The following NIPBL variants were observed in gnomAD, a reference collection of about 807,000 sequenced individuals.
NIPBL encodes the protein NIPBL cohesin loading factor.
NIPBL carries 19 observed loss-of-function variants against 321.8 expected under a neutral mutation model. The ratio of observed to expected loss-of-function variants is 0.06; its 90% CI spans 0.04 to 0.09. The LOEUF (loss-of-function observed/expected upper bound fraction) is 0.09, where lower values mean the gene tolerates loss of function less well. Ranked by LOEUF, NIPBL falls within the 10% of genes least tolerant of loss-of-function variation. The pLI is 1.00. For missense variants in NIPBL, 2,210 were observed against 3,327.0 expected, an observed-to-expected ratio of 0.66 and a Z score of 8.26; for synonymous variants, 1,106 against 1,114.1, an observed-to-expected ratio of 0.99 and a Z score of 0.14.
At chr5:36,995,948 C>A in intron 11 of NIPBL, 144 bp downstream of exon 11, 1 of 677,272 alleles carries the variant, frequency 1.5e-6, no homozygotes, top group Non-Finnish European at 2.5e-6. Flanking sequence ...TTTCTCTATA[C>A]TTTAAAAATG....
intron 6 of NIPBL, among the ~76,000 whole-genome samples, chr5:36,965,591 A>C (rs1742116218): frequency 6.6e-6 from 1 of 152,104 alleles, no homozygotes; most frequent in Non-Finnish European, 1.5e-5. Flanking sequence ...AATAACACAC[A>C]GTGTTTAATA....
At chr5:36,974,831 T>G (rs1405204848) in intron 8 of NIPBL, among the ~76,000 whole-genome samples, 1 of 152,136 alleles carries the variant, frequency 6.6e-6, no homozygotes, top group African/African-American at 2.4e-5. Context: ...AAAAAAACTT[T>G]TATCTTGACC....
Position 36,984,741 on chromosome 5 carries a change from A to G in NIPBL, c.1561A>G (p.Asn521Asp), listed in dbSNP as rs1436167763. The G allele has an allele frequency of 6.2e-7, 1 of 1,613,606 alleles. No homozygotes were observed. The highest frequency in any genetic ancestry group is 8.5e-7 in the Non-Finnish European group (1 of 1,179,752). The change falls in exon 10 of 47, where the codon AAT (asparagine) becomes GAT (aspartate). Residue 521 changes from asparagine to aspartate, a missense_variant. Asn to Asp is a conservative substitution (Grantham distance 23). Transcript: ENST00000282516. Reference protein sequence around the residue: ...PQEAGGATGGNRPASQETGST... With the variant: ...PQEAGGATGGDRPASQETGST... Reference sequence around the variant, plus strand: ...GGAGGCTGGGGGTGCTACAGGAGGTAATAGACCAGCTTCTCAGGAGACGGG... The same window carrying G: ...GGAGGCTGGGGGTGCTACAGGAGGTGATAGACCAGCTTCTCAGGAGACGGG...
intron 43 of NIPBL, 98 bp downstream of exon 43, chr5:37,057,430 G>A (rs773445745): frequency 2.0e-5 from 24 of 1,211,760 alleles, no homozygotes; most frequent in Admixed American, 1.3e-4. Context: ...TCCTCTTCAC[G>A]AGTATATAAA....
At position 36,976,133 on chromosome 5, in the gene NIPBL, A is replaced by G. The variant is rs1239566508; in HGVS notation, c.1226A>G (p.Asp409Gly). ...QTSKTPITPQ[D>G]INRPLNAAQC... ...TCAAAAACACCCATTACTCCACAAG[A>G]TATAAACCGCCCACTAAATGCTGCT... is the stretch of plus-strand genomic sequence containing the variant. The change falls in exon 9 of 47, where the codon GAT (aspartate) becomes GGT (glycine). Residue 409 changes from aspartate (D) to glycine (G), a missense_variant. Around this residue, in one of 14 missense-constraint regions of NIPBL, gnomAD observed 464 missense variants for 529.5 expected, o/e 0.88. Transcript: ENST00000282516. 6.2e-7 allele frequency: 1 copy of G among 1,613,744 alleles called. No homozygotes were observed. Among genetic ancestry groups the G allele is most frequent in the Non-Finnish European group, 8.5e-7 (1 of 1,179,840 alleles).
At chr5:36,950,213 T>C (rs1368068086) in intron 1 of NIPBL, among the ~76,000 whole-genome samples, 1 of 152,054 alleles carries the variant, frequency 6.6e-6, no homozygotes, top group Non-Finnish European at 1.5e-5. Context: ...TTATTTATAA[T>C]AGATCTTTTA....
chr5:37,058,322 A>G (rs969052217), intron 43 of NIPBL, among the ~76,000 whole-genome samples: 1 of 152,146 alleles, frequency 6.6e-6, no homozygotes, highest in Non-Finnish European at 1.5e-5. Flanking sequence ...TGTTTCTTCC[A>G]CTTTTGAAGA....
intron 16 of NIPBL, among the ~76,000 whole-genome samples, chr5:37,005,871 G>C (rs1443013654): frequency 6.6e-6 from 1 of 152,062 alleles, no homozygotes; most frequent in South Asian, 2.1e-4. Context: ...TTTAATCTCA[G>C]TTTCAGAAAC....
At position 36,988,591 on chromosome 5, in the gene NIPBL, T is replaced by A. The variant is rs962419535; in HGVS notation, c.3121+2290T>A. 8.5e-5 allele frequency among the ~76,000 whole-genome samples: 13 copies of A among 152,250 alleles called. 1 individual carries two copies. The highest frequency in any genetic ancestry group is 8.5e-4 in the Admixed American group (13 of 15,286). On this transcript the variant is annotated intron_variant, in intron 10 of 46. Transcript: ENST00000282516. Reference sequence around the variant, plus strand: ...CAGAGTTGGGTAATTGTGGATTTTTTAAAATTGCATGTATATGAAGCACAG... The same window carrying A: ...CAGAGTTGGGTAATTGTGGATTTTTAAAAATTGCATGTATATGAAGCACAG...
At chr5:36,904,969 T>G (rs1026439884) in intron 1 of NIPBL, among the ~76,000 whole-genome samples, 12 of 152,200 alleles carry the variant, frequency 7.9e-5, no homozygotes, top group African/African-American at 2.9e-4. Flanking sequence ...ATGGCGTAAT[T>G]GAAGGCTGTC....
chr5:37,018,326 A>G (rs1003788016), intron 24 of NIPBL, among the ~76,000 whole-genome samples: 2 of 152,304 alleles, frequency 1.3e-5, no homozygotes, highest in Non-Finnish European at 2.9e-5. Context: ...GATGTAATAC[A>G]ATACCTACTC....
chr5:37,020,128 C>A (rs921423892), intron 25 of NIPBL, among the ~76,000 whole-genome samples: 1 of 152,150 alleles, frequency 6.6e-6, no homozygotes, highest in Non-Finnish European at 1.5e-5. Flanking sequence ...TTTAAACTTT[C>A]CTAGTTGACC....
Position 36,984,720 on chromosome 5 carries a change from G to T in NIPBL, c.1540G>T (p.Ala514Ser), listed in dbSNP as rs748595346. The T allele has an allele frequency of 3.7e-6, 6 of 1,612,484 alleles. No homozygotes were observed. The East Asian group carries it at 1.3e-4, about 36-fold the overall frequency. Residue 514 changes from alanine (A) to serine (S), a missense_variant, in exon 10 of 47, where the codon GCT (alanine) becomes TCT (serine). Physicochemically the swap from Ala to Ser is moderately conservative, Grantham distance 99. This residue lies in a region of NIPBL where 588 missense variants were observed against 564.1 expected (regional missense o/e 1.04). Transcript: ENST00000282516. Reference protein sequence around the residue: ...KRKQDSYPQEAGGATGGNRPA... With the variant: ...KRKQDSYPQESGGATGGNRPA... ...AAAACAAGATTCTTACCCACAGGAG[G>T]CTGGGGGTGCTACAGGAGGTAATAG... is the stretch of plus-strand genomic sequence containing the variant.
In NIPBL at chr5:37,017,002, A is replaced by G; in HGVS notation, c.4777-17A>G. 1.3e-6 allele frequency: 2 copies of G among 1,537,330 alleles called. No homozygotes were observed. Among genetic ancestry groups the G allele is most frequent in the Non-Finnish European group, 1.8e-6 (2 of 1,122,528 alleles). On this transcript the variant is annotated splice_polypyrimidine_tract_variant and intron_variant, in intron 23 of 46. Transcript: ENST00000282516. The stretch of plus-strand genomic sequence containing the variant: ...TTGTTATAAATCTATTCAATCAAAA[A>G]CTATTTTGATATTTAGGTTCATCAG...
chr5:36,917,303 T>C (rs1248414245), intron 1 of NIPBL, among the ~76,000 whole-genome samples: 1 of 152,240 alleles, frequency 6.6e-6, no homozygotes, highest in East Asian at 1.9e-4. Context: ...TTGAGAAGTG[T>C]CTGTTCATAT....
intron 1 of NIPBL, chr5:36,886,395 C>T: frequency 1.4e-6 from 1 of 732,288 alleles, no homozygotes; most frequent in Non-Finnish European, 2.5e-6. Context: ...ATGCCCTGGA[C>T]AGCAGCAACT....
Position 36,985,538 on chromosome 5 carries a change from T to G in NIPBL, c.2358T>G (p.Thr786=), listed in dbSNP as rs1434264989. The change falls in exon 10 of 47, where the codon ACT becomes ACG. Residue 786 remains threonine (T), a synonymous_variant. Transcript: ENST00000282516. ...KPEVSKHKQD[T]KSDSPRLKSE... The stretch of plus-strand genomic sequence containing the variant: ...AAGTGTCTAAACATAAACAAGATAC[T>G]AAATCTGACTCACCTCGGTTAAAAT... 5 of 1,613,680 alleles carry G rather than the reference T, an allele frequency of 3.1e-6. No individual in the cohort carries two copies. Among genetic ancestry groups the G allele is most frequent in the Non-Finnish European group, 4.2e-6 (5 of 1,179,936 alleles).
intron 1 of NIPBL, among the ~76,000 whole-genome samples, chr5:36,909,793 A>G (rs1361671475): frequency 3.3e-5 from 5 of 152,188 alleles, no homozygotes; most frequent in African/African-American, 7.2e-5. Context: ...AAAGAACAGT[A>G]TGGGCCATGC....
Position 37,066,244 on chromosome 5 carries a change from A to G in NIPBL, c.*1352A>G, listed in dbSNP as rs754505555. On this transcript the variant is annotated 3_prime_UTR_variant, in exon 47 of 47. Transcript: ENST00000282516. ...AGTGGATGAGGTCTGTTTCAAGTTT[A>G]ATTCTTTTTAAAAATGTTTTACTTA... The G allele has an allele frequency of 1.3e-4, 20 of 152,172 alleles. No homozygotes were observed. The highest frequency in any genetic ancestry group is 2.2e-4 in the Non-Finnish European group (15 of 68,006). The allele number at this position is 152,172 out of a possible 1,614,324, so 9.4% of individuals were successfully genotyped here. A position where few individuals can be genotyped will look rare whatever the true frequency, so the allele number is the denominator to read the frequency against.
Sources: allele counts gnomAD v4.1 joint callset (sites outside exome capture counted in the v4.1 genomes callset), GRCh38; gene constraint gnomAD v4.1.1; regional missense constraint gnomAD v4.1.1; transcripts MANE v1.5; gene names NCBI Gene and HGNC (gene_info 2026-07-23, HGNC 2026-07-21).